Variants in MPP7 observed in about 807,000 individuals in gnomAD.
MPP7 encodes MAGUK p55 scaffold protein 7.
MPP7 carries 60 observed loss-of-function variants against 76.5 expected under a neutral mutation model. The ratio of observed to expected loss-of-function variants is 0.78; its 90% CI spans 0.64 to 0.97. The LOEUF is 0.97. Ranked by LOEUF, MPP7 falls within the 50% of genes least tolerant of loss-of-function variation. The probability of loss-of-function intolerance (pLI) is 0.00; values close to 1 mark genes in which losing one functional copy is unlikely to be tolerated. For synonymous variants in MPP7, 237 were observed against 244.5 expected, an observed-to-expected ratio of 0.97 and a Z score of 0.29; for missense variants, 641 against 694.0, an observed-to-expected ratio of 0.92 and a Z score of 0.86.
At chr10:28,270,009 C>T (rs954327438) in intron 1 of MPP7, among the ~76,000 whole-genome samples, 1 of 152,134 alleles carries the variant, frequency 6.6e-6, no homozygotes. Flanking sequence ...GCAACATGGC[C>T]GCAGCCAGTC....
At chr10:28,123,207 T>C (rs915344323) in intron 8 of MPP7, among the ~76,000 whole-genome samples, 3 of 152,208 alleles carry the variant, frequency 2.0e-5, no homozygotes, top group Non-Finnish European at 4.4e-5. Flanking sequence ...TGTTTTCACA[T>C]ATAAAAGAGA....
intron 11 of MPP7, among the ~76,000 whole-genome samples, chr10:28,114,252 A>T (rs192784479): frequency 3.3e-5 from 5 of 152,182 alleles, no homozygotes; most frequent in African/African-American, 4.8e-5. Context: ...CTCTACAGAA[A>T]ATTTTAAAAA....
chr10:28,121,812 T>TA (rs35378187), intron 8 of MPP7, among the ~76,000 whole-genome samples: 17,810 of 145,266 alleles, frequency 0.12, 1,533 homozygotes, highest in East Asian at 0.46. Flanking sequence ...TCCATTTATT[T>TA]AAAAAAAAAA....
intron 2 of MPP7, among the ~76,000 whole-genome samples, chr10:28,327,231 T>TAAAAAAA (rs59442840): frequency 4.2e-5 from 4 of 95,748 alleles, no homozygotes; most frequent in Non-Finnish European, 9.0e-5. Context: ...GTCAAAGAAG[T>TAAAAAAA]AAAAAAAAAA....
In MPP7 at chr10:28,147,506, G is replaced by C; in HGVS notation, c.292C>G (p.Leu98Val). 1 of 1,614,038 alleles carries C rather than the reference G, an allele frequency of 6.2e-7. No individual in the cohort carries two copies. The highest frequency in any genetic ancestry group is 8.5e-7 in the Non-Finnish European group (1 of 1,179,914). Residue 98 changes from leucine (L) to valine (V), a missense_variant, in exon 5 of 17, where the codon CTA becomes GTA. By Grantham distance (32) the Leu-to-Val change is conservative. Coordinates refer to ENST00000683449, the MANE Select transcript of MPP7 (RefSeq NM_001318170.2). ...ACCTTCACATTGGGTTTTGACAGTA[G>C]TTTCAACAGCTCTCTGATCTCACTG... ...LNSEIRELLK[L>V]LSKPNVKALL... is the part of the protein sequence containing the mutation.
intron 3 of MPP7, among the ~76,000 whole-genome samples, chr10:28,171,510 C>T (rs970903657): frequency 6.6e-6 from 1 of 152,026 alleles, no homozygotes; most frequent in African/African-American, 2.4e-5. Flanking sequence ...TCAAATGAGC[C>T]CAGAGATTTT....
At chr10:28,055,216 A>G (rs1851510028) in intron 16 of MPP7, among the ~76,000 whole-genome samples, 1 of 152,342 alleles carries the variant, frequency 6.6e-6, no homozygotes, top group Middle Eastern at 3.4e-3. Flanking sequence ...TCATTGTCAC[A>G]TAAGATTTCA....
At chr10:28,114,953 G>A (rs1404175329) in intron 11 of MPP7, among the ~76,000 whole-genome samples, 3 of 152,144 alleles carry the variant, frequency 2.0e-5, no homozygotes, top group East Asian at 3.9e-4. Flanking sequence ...AACCATCTTC[G>A]ATTTAAGTGA....
chr10:28,258,556 C>T (rs953986924), intron 1 of MPP7, among the ~76,000 whole-genome samples: 52 of 151,370 alleles, frequency 3.4e-4, no homozygotes, highest in Non-Finnish European at 6.9e-4. Flanking sequence ...TGCCCCACCA[C>T]ACCTGGCTAA....
At chr10:28,255,105 T>G (rs1839742542) in intron 1 of MPP7, among the ~76,000 whole-genome samples, 1 of 152,202 alleles carries the variant, frequency 6.6e-6, no homozygotes, top group Non-Finnish European at 1.5e-5. Flanking sequence ...AAACATACTT[T>G]GAAAAAACAA....
At chr10:28,157,617 C>G (rs1393107688) in intron 3 of MPP7, among the ~76,000 whole-genome samples, 2 of 152,228 alleles carry the variant, frequency 1.3e-5, no homozygotes, top group Non-Finnish European at 2.9e-5. Flanking sequence ...TTCTGGGGCT[C>G]TGCATGCCCT....
chr10:28,286,120 G>A (rs1019285914), intron 1 of MPP7, among the ~76,000 whole-genome samples: 2 of 151,992 alleles, frequency 1.3e-5, no homozygotes, highest in South Asian at 2.1e-4. Context: ...CGAGGTGGGC[G>A]GATCACAAGG....
chr10:28,189,824 T>C (rs1212380461), intron 3 of MPP7, among the ~76,000 whole-genome samples: 2 of 152,108 alleles, frequency 1.3e-5, no homozygotes, highest in Non-Finnish European at 2.9e-5. Flanking sequence ...TAACCAACTA[T>C]ATCAACAGAC....
intron 1 of MPP7, among the ~76,000 whole-genome samples, chr10:28,248,378 A>C (rs1312384625): frequency 5.3e-5 from 8 of 152,122 alleles, no homozygotes; most frequent in Non-Finnish European, 1.2e-4. Flanking sequence ...ACATGCCCTC[A>C]CAAGAAACGG....
At chr10:28,139,938 G>C (rs1428740022) in intron 5 of MPP7, among the ~76,000 whole-genome samples, 1 of 152,068 alleles carries the variant, frequency 6.6e-6, no homozygotes, top group African/African-American at 2.4e-5. Context: ...AGGTTAACAG[G>C]TTGTATATTG....
chr10:28,218,911 T>A (rs1055611559), intron 2 of MPP7, among the ~76,000 whole-genome samples: 5 of 152,106 alleles, frequency 3.3e-5, no homozygotes, highest in African/African-American at 1.2e-4. Flanking sequence ...CTAGAGAAAC[T>A]AGAGAATTTC....
chr10:28,145,911 C>T (rs1048233437), intron 5 of MPP7, among the ~76,000 whole-genome samples: 4 of 152,160 alleles, frequency 2.6e-5, no homozygotes, highest in Admixed American at 2.0e-4. Context: ...GAGCCAAATA[C>T]CAGTTCTCAT....
At chr10:28,165,307 T>A (rs1308302114) in intron 3 of MPP7, among the ~76,000 whole-genome samples, 1 of 152,106 alleles carries the variant, frequency 6.6e-6, no homozygotes, top group South Asian at 2.1e-4. Context: ...AGAGGATCAG[T>A]TGAGGCCAGT....
At chr10:28,322,938 G>C (rs1834380180) in intron 2 of MPP7, among the ~76,000 whole-genome samples, 1 of 152,032 alleles carries the variant, frequency 6.6e-6, no homozygotes, top group Non-Finnish European at 1.5e-5. Flanking sequence ...CAGATTGCTT[G>C]AGCCAGGAGT....
Sources: allele counts gnomAD v4.1 joint callset (sites outside exome capture counted in the v4.1 genomes callset), GRCh38; gene constraint gnomAD v4.1.1; transcripts MANE v1.5; gene names NCBI Gene and HGNC (gene_info 2026-07-23, HGNC 2026-07-21).